Variants in DTNBP1 observed in about 807,000 individuals in gnomAD.
DTNBP1 encodes the protein dystrobrevin binding protein 1.
In DTNBP1, 35 loss-of-function variants were observed where a neutral mutation model predicts 42.8. The observed-to-expected ratio is 0.82, with a 90% CI of 0.63 to 1.09. The LOEUF (loss-of-function observed/expected upper bound fraction) is 1.09, where lower values mean the gene tolerates loss of function less well. Ranked by LOEUF, DTNBP1 falls within the 50% of genes least tolerant of loss-of-function variation. The pLI is 0.00. For synonymous variants in DTNBP1, 171 were observed against 162.2 expected, an observed-to-expected ratio of 1.05 and a Z score of -0.41; for missense variants, 457 against 424.2, an observed-to-expected ratio of 1.08 and a Z score of -0.68.
At chr6:15,554,151 A>G (rs1459508287) in intron 7 of DTNBP1, among the ~76,000 whole-genome samples, 1 of 152,246 alleles carries the variant, frequency 6.6e-6, no homozygotes, top group Non-Finnish European at 1.5e-5. Context: ...CCTAGCATGC[A>G]AATACATCAA....
At chr6:15,617,646 C>T (rs1012829657) in intron 5 of DTNBP1, among the ~76,000 whole-genome samples, 1 of 151,650 alleles carries the variant, frequency 6.6e-6, no homozygotes, top group African/African-American at 2.4e-5. Context: ...CATCAATAAA[C>T]GATGCTGGGA....
intron 5 of DTNBP1, among the ~76,000 whole-genome samples, chr6:15,625,949 C>T (rs1759314149): frequency 1.3e-5 from 2 of 152,192 alleles, no homozygotes; most frequent in Non-Finnish European, 2.9e-5. Flanking sequence ...AGCCATTTTA[C>T]ACTTTTCTAA....
rs373182049 is a variant in DTNBP1, at chr6:15,627,405, T to C, written c.293A>G (p.Gln98Arg). Reference protein sequence around the residue: ...EKKKTSLVELQEQLQQLPALI... With the variant: ...EKKKTSLVELREQLQQLPALI... The stretch of plus-strand genomic sequence containing the variant: ...AGCTGGGAGCTGCTGGAGCTGCTCT[T>C]GCAGCTCCACGAGGCTTGTCTTTTT... The change falls in exon 5 of 10, where the codon CAA becomes CGA. Residue 98 changes from glutamine (Q) to arginine (R), a missense_variant. Gln to Arg is a conservative substitution (Grantham distance 43, BLOSUM62 1). Transcript: ENST00000344537. The C allele has an allele frequency of 6.2e-7, 1 of 1,613,736 alleles. No individual in the cohort carries two copies. The highest frequency in any genetic ancestry group is 8.5e-7 in the Non-Finnish European group (1 of 1,179,886).
rs374947359 is a variant in DTNBP1 at position 15,524,533 on chromosome 6, G to A, written c.804C>T (p.Pro268=). The A allele has an allele frequency of 5.5e-5, 89 of 1,607,620 alleles. 1 individual carries two copies. The South Asian group carries it at 6.5e-4, about 12-fold the overall frequency. ...CAAGTTTGTCAACCCTACCTAAGGCGGGGGACAGCACAGTGTTCTCTTCTC... is the reference window on the plus strand; with the variant it reads ...CAAGTTTGTCAACCCTACCTAAGGCAGGGGACAGCACAGTGTTCTCTTCTC... ...SGGEENTVLS[P]ALGPESSTCQ... Residue 268 remains proline (P), a synonymous_variant, in exon 9 of 10, where the codon CCC becomes CCT. Coordinates refer to ENST00000344537, the MANE Select transcript of DTNBP1 (RefSeq NM_032122.5).
chr6:15,567,282 C>T (rs531011768), intron 7 of DTNBP1, among the ~76,000 whole-genome samples: 16 of 151,626 alleles, frequency 1.1e-4, no homozygotes, highest in Non-Finnish European at 1.9e-4. Flanking sequence ...CAGTGAGATC[C>T]TGTCTCTTAA....
At chr6:15,532,390 AC>A (rs1388669900) in intron 8 of DTNBP1, among the ~76,000 whole-genome samples, 4 of 152,190 alleles carry the variant, frequency 2.6e-5, no homozygotes, top group African/African-American at 9.7e-5. Flanking sequence ...AGCTAGGAAA[AC>A]TGGTGGAATA....
chr6:15,525,104 T>A (rs1331794478), intron 8 of DTNBP1, among the ~76,000 whole-genome samples: 1 of 152,230 alleles, frequency 6.6e-6, no homozygotes, highest in Non-Finnish European at 1.5e-5. Flanking sequence ...AAGTGGAGTT[T>A]CCACTGGCCT....
At chr6:15,597,873 C>A (rs1776576924) in intron 6 of DTNBP1, among the ~76,000 whole-genome samples, 1 of 152,154 alleles carries the variant, frequency 6.6e-6, no homozygotes, top group African/African-American at 2.4e-5. Context: ...AAAGTTTGAT[C>A]AAATATTATC....
At position 15,545,954 on chromosome 6, in the gene DTNBP1, G is replaced by A. The variant is rs904735087; in HGVS notation, c.512-12559C>T. ...GACTGCAGGGCCAGCTCAGGCAGGC[G>A]GGTCTCAGCACACCACTCACCTCCC... On this transcript the variant is annotated intron_variant, in intron 7 of 9. Transcript: ENST00000344537. The A allele has an allele frequency of 8.5e-5, 33 of 388,484 alleles. 1 individual carries two copies. The highest frequency in any genetic ancestry group is 3.4e-4 in the Admixed American group (10 of 29,244). 24.1% of individuals were successfully genotyped at this position (388,484 alleles called of 1,614,324 possible). A position where few individuals can be genotyped will look rare whatever the true frequency, so the allele number is the denominator to read the frequency against.
chr6:15,614,992 G>T, intron 6 of DTNBP1: 1 of 520,128 alleles, frequency 1.9e-6, no homozygotes, highest in South Asian at 1.7e-5. Context: ...ACTAGCTCAG[G>T]GCTCCTATTT....
rs1263705696 is a variant in DTNBP1 at position 15,566,225 on chromosome 6, G to C, written c.511+26834C>G. 2.7e-5 allele frequency among the ~76,000 whole-genome samples: 4 copies of C among 148,202 alleles called. No homozygotes were observed. In the South Asian group the frequency reaches 8.5e-4, roughly 31 times the overall value. The stretch of plus-strand genomic sequence containing the variant: ...AGCTACTTGGGAGGCTGAGGCAGGA[G>C]AATGGCGTGAACCCGGGAGGCGGAG... On this transcript the variant is annotated intron_variant, in intron 7 of 9. Coordinates refer to ENST00000344537, the MANE Select transcript of DTNBP1 (RefSeq NM_032122.5).
rs1423725710 is a variant in DTNBP1, at chr6:15,615,405, AG to A, written c.356-7del. ...AAAACTCGCCTCTAAATGAGCTGAA[AG>A]TATATAAAAATAAACAGACCTCAAA... On this transcript the variant is annotated splice_region_variant and splice_polypyrimidine_tract_variant and intron_variant, in intron 5 of 9. Transcript: ENST00000344537. 1 of 1,613,882 alleles carries A rather than the reference AG, an allele frequency of 6.2e-7. No individual in the cohort carries two copies. The highest frequency in any genetic ancestry group is 2.2e-5 in the East Asian group (1 of 44,870).
At chr6:15,582,288 G>C (rs1775874232) in intron 7 of DTNBP1, among the ~76,000 whole-genome samples, 2 of 152,230 alleles carry the variant, frequency 1.3e-5, no homozygotes, top group South Asian at 4.1e-4. Flanking sequence ...AGGTTTTGAG[G>C]GCAGACGTTC....
intron 4 of DTNBP1, among the ~76,000 whole-genome samples, chr6:15,634,296 T>C (rs935829392): frequency 2.0e-5 from 3 of 152,200 alleles, no homozygotes; most frequent in African/African-American, 7.2e-5. Context: ...GACTGAATTC[T>C]TTCTCATTGT....
At chr6:15,599,420 A>G (rs1776637891) in intron 6 of DTNBP1, among the ~76,000 whole-genome samples, 1 of 152,232 alleles carries the variant, frequency 6.6e-6, no homozygotes, top group South Asian at 2.1e-4. Context: ...TAAAACCCAC[A>G]GCTGACTCTG....
At chr6:15,578,209 A>G (rs1025013076) in intron 7 of DTNBP1, among the ~76,000 whole-genome samples, 1 of 152,190 alleles carries the variant, frequency 6.6e-6, no homozygotes, top group Non-Finnish European at 1.5e-5. Context: ...CGACGCTGGG[A>G]GGAGGGGGTG....
Position 15,615,278 on chromosome 6 carries a change from C to T in DTNBP1, c.477G>A (p.Lys159=), listed in dbSNP as rs771522981. The T allele has an allele frequency of 3.1e-6, 5 of 1,613,990 alleles. No individual in the cohort carries two copies. The African/African-American group carries it at 5.3e-5, about 17-fold the overall frequency. The part of the protein sequence containing the change: ...HMQSQQLENY[K]KNKRKELETF... ...CTTTTCAAACTCACCTCTTATTTTT[C>T]TTGTAATTCTCCAGTTGCTGGGACT... Residue 159 remains lysine, a synonymous_variant, in exon 6 of 10, where the codon AAG becomes AAA. Transcript: ENST00000344537.
intron 7 of DTNBP1, among the ~76,000 whole-genome samples, chr6:15,585,058 G>A: frequency 2.0e-5 from 2 of 101,062 alleles, no homozygotes; most frequent in Admixed American, 1.2e-4. Flanking sequence ...ATGAAATTAT[G>A]AAAAGAATAT....
At chr6:15,560,325 G>C (rs1400514647) in intron 7 of DTNBP1, among the ~76,000 whole-genome samples, 1 of 151,912 alleles carries the variant, frequency 6.6e-6, no homozygotes, top group East Asian at 1.9e-4. Context: ...AAGTGTTTGA[G>C]CCTAGTTATA....
Sources: gnomAD v4.1 joint callset for allele counts (sites outside exome capture counted in the v4.1 genomes callset) on GRCh38, gnomAD v4.1.1 for gene constraint, MANE v1.5 for transcripts, NCBI Gene and HGNC (gene_info 2026-07-23, HGNC 2026-07-21) for gene names.